The following C16orf96 variants were observed in gnomAD, a reference collection of about 807,000 sequenced individuals.
C16orf96 encodes the protein chromosome 16 open reading frame 96.
Under a neutral mutation model 103.6 loss-of-function variants are expected in C16orf96, and 108 were observed. The observed-to-expected ratio is 1.04, with a 90% CI of 0.89 to 1.22. C16orf96 has a LOEUF of 1.22. Ranked by LOEUF, C16orf96 falls within the 50% of genes most tolerant of loss-of-function variation. The pLI is 0.00. For missense variants in C16orf96, 1,586 were observed against 1,464.2 expected (o/e 1.08, Z -1.36); for synonymous variants, 566 against 593.5 (o/e 0.95, Z 0.67).
Position 4,599,458 on chromosome 16 carries a change from G to A in C16orf96, c.3208+94G>A. The A allele has an allele frequency of 1.2e-5, 13 of 1,121,206 alleles. No homozygotes were observed. In the South Asian group the frequency reaches 1.8e-4, roughly 15 times the overall value. The allele number at this position is 1,121,206 out of a possible 1,614,324, so 69.5% of individuals were successfully genotyped here. On this transcript the variant is annotated intron_variant, in intron 15 of 15. Transcript: ENST00000444310. The stretch of plus-strand genomic sequence containing the variant: ...ATCCCATCCCCCACACCCCGCCTGG[G>A]CTCTCCTGTCCACCTCCTCCACCTC...
chr16:4,578,889 A>C (rs969544579), intron 5 of C16orf96, 51 bp from the exon 6 acceptor site: 1 of 1,433,912 alleles, frequency 7.0e-7, no homozygotes, highest in African/African-American at 1.4e-5. Context: ...CCCAACAGAA[A>C]CATCTTCCTC....
chr16:4,545,282 C>T, the C16orf96 span, among the ~76,000 whole-genome samples: 29 of 152,308 alleles, frequency 1.9e-4, no homozygotes, highest in East Asian at 9.7e-4. Context: ...TGATAGCTCA[C>T]TGCAGCCTCA....
intron 12 of C16orf96, 71 bp from the exon 13 acceptor site, chr16:4,594,280 C>T: frequency 1.3e-6 from 2 of 1,498,230 alleles, no homozygotes; most frequent in Non-Finnish European, 1.8e-6. Flanking sequence ...GCTGGCCAGG[C>T]CCTTGGGGCC....
At position 4,575,290 on chromosome 16, in the gene C16orf96, C is replaced by G. The variant is rs917753507; in HGVS notation, c.810C>G (p.Pro270=). 1 of 1,550,866 alleles carries G rather than the reference C, an allele frequency of 6.4e-7. No individual in the cohort carries two copies. Among genetic ancestry groups the G allele is most frequent in the African/African-American group, 1.4e-5 (1 of 73,042 alleles). The change falls in exon 5 of 16, where the codon CCC becomes CCG. Residue 270 remains proline (P), a synonymous_variant. Coordinates refer to ENST00000444310, the MANE Select transcript of C16orf96 (RefSeq NM_001145011.2). ...EATRAIQVSE[P]VQNPQLLQTV... ...CTCGTGCCATCCAGGTCTCCGAGCC[C>G]GTCCAAAACCCCCAGCTACTGCAGA... is the stretch of plus-strand genomic sequence containing the variant.
chr16:4,597,556 C>T (rs975202047), intron 14 of C16orf96, among the ~76,000 whole-genome samples: 1 of 151,720 alleles, frequency 6.6e-6, no homozygotes, highest in Non-Finnish European at 1.5e-5. Flanking sequence ...TCAACTGCTT[C>T]ATCTTTTTTT....
At chr16:4,579,162 C>G in intron 6 of C16orf96, 137 bp downstream of exon 6, 2 of 765,262 alleles carry the variant, frequency 2.6e-6, no homozygotes, top group Middle Eastern at 5.6e-4. Flanking sequence ...GAGCTGGCTG[C>G]GAAGGCAGCT....
Position 4,588,051 on chromosome 16 carries a change from G to A in C16orf96, c.2428-116G>A, listed in dbSNP as rs549285995. On this transcript the variant is annotated intron_variant, in intron 8 of 15. Coordinates refer to ENST00000444310, the MANE Select transcript of C16orf96 (RefSeq NM_001145011.2). ...GACCCCAGGGTTGCATTTAAGCCAA[G>A]GCTAAAAGTCCAGAGTCCCAAACTA... The A allele has an allele frequency of 4.2e-4, 457 of 1,078,082 alleles. 2 individuals carry two copies. The highest frequency in any genetic ancestry group is 3.9e-5 in the Non-Finnish European group (30 of 776,164). The allele number at this position is 1,078,082 out of a possible 1,614,324, so 66.8% of individuals were successfully genotyped here.
intron 14 of C16orf96, among the ~76,000 whole-genome samples, chr16:4,595,487 C>A (rs987925949): frequency 6.6e-6 from 1 of 152,184 alleles, no homozygotes; most frequent in Non-Finnish European, 1.5e-5. Context: ...CCTGCTGGGA[C>A]CCCAAGACTC....
intron 1 of C16orf96, chr16:4,561,753 G>C (rs966568434): frequency 4.6e-5 from 7 of 152,224 alleles, no homozygotes; most frequent in African/African-American, 1.7e-4. Flanking sequence ...GCTGGTTCTA[G>C]AATGATGCAA....
upstream of C16orf96, among the ~76,000 whole-genome samples, chr16:4,552,115 T>C (rs114372093): frequency 1.0e-2 from 1,519 of 152,276 alleles, 19 homozygotes; most frequent in African/African-American, 0.035. Context: ...TGGCTGCAGT[T>C]TGGGGACTTT....
In C16orf96 at chr16:4,593,293, G is replaced by C; in HGVS notation, c.2844G>C (p.Glu948Asp). ...GGCCAGCCAGCGCCAACAGCTGCGA[G>C]TACTTGCAGCGGCAACAGATGAGGT... ...RLRPASANSC[E>D]YLQRQQMREQ... The change falls in exon 12 of 16, where the codon GAG (glutamate) becomes GAC (aspartate). Residue 948 changes from glutamate to aspartate, a missense_variant. Coordinates refer to ENST00000444310, the MANE Select transcript of C16orf96 (RefSeq NM_001145011.2). The surrounding 1 kb of genome is among the most constrained non-coding windows in gnomAD (Gnocchi z 4.2). 6.4e-7 allele frequency: 1 copy of C among 1,550,958 alleles called. No individual in the cohort carries two copies. Among genetic ancestry groups the C allele is most frequent in the Non-Finnish European group, 8.7e-7 (1 of 1,146,868 alleles).
rs529054419 is a variant in C16orf96, at chr16:4,556,417, C to T, written c.-73C>T. On this transcript the variant is annotated 5_prime_UTR_variant, in exon 1 of 16. Transcript: ENST00000444310. ...TCTGAGGACCAGTCCATGTAGCTCT[C>T]GGAACCACTGAAAGCTACCCCTTGT... 17 of 1,432,786 alleles carry T rather than the reference C, an allele frequency of 1.2e-5. 1 individual carries two copies. The highest frequency in any genetic ancestry group is 1.0e-4 in the Admixed American group (4 of 39,316). The allele number at this position is 1,432,786 out of a possible 1,614,324, so 88.8% of individuals were successfully genotyped here. A position where few individuals can be genotyped will look rare whatever the true frequency, so the allele number is the denominator to read the frequency against.
chr16:4,541,722 C>T, the C16orf96 span, among the ~76,000 whole-genome samples: 1 of 152,158 alleles, frequency 6.6e-6, no homozygotes, highest in Admixed American at 6.5e-5. Flanking sequence ...TAGCATTCCT[C>T]AGTGCAAGAA....
chr16:4,591,700 A>G lies in C16orf96; in HGVS notation c.2627A>G (p.Glu876Gly). ...VHSDLDPLKKEMEEVWKIVRK... is the reference protein window; with the variant it reads ...VHSDLDPLKKGMEEVWKIVRK... ...AGTGATCTGGATCCCTTGAAGAAAG[A>G]AATGGAAGAGGTCTGGAAAATCGTC... is the stretch of plus-strand genomic sequence containing the variant. The change falls in exon 10 of 16, where the codon GAA (glutamate) becomes GGA (glycine). Residue 876 changes from glutamate (E) to glycine (G), a missense_variant. Transcript: ENST00000444310. 1 of 1,551,652 alleles carries G rather than the reference A, an allele frequency of 6.4e-7. No homozygotes were observed. The highest frequency in any genetic ancestry group is 8.7e-7 in the Non-Finnish European group (1 of 1,146,968).
rs1203013868 is a variant in C16orf96, at chr16:4,574,999, A to G, written c.634A>G (p.Ile212Val). The change falls in exon 4 of 16, where the codon ATC becomes GTC. Residue 212 changes from isoleucine to valine, a missense_variant. Coordinates refer to ENST00000444310, the MANE Select transcript of C16orf96 (RefSeq NM_001145011.2). ...TTCTCTCCAGAATAAGTTTAAAACC[A>G]TCCCCAAAACCGAGGACATGGTGCT... ...VASLQNKFKT[I>V]PKTEDMVLWS... The G allele has an allele frequency of 4.5e-6, 7 of 1,551,478 alleles. No individual in the cohort carries two copies. The East Asian group carries it at 1.7e-4, about 38-fold the overall frequency.
intron 1 of C16orf96, 84 bp from the exon 2 acceptor site, chr16:4,571,477 G>T: frequency 8.4e-7 from 1 of 1,187,644 alleles, no homozygotes; most frequent in African/African-American, 1.5e-5. Context: ...CTTGAACAAC[G>T]GCTATCATCA....
the C16orf96 span, among the ~76,000 whole-genome samples, chr16:4,539,820 T>G: frequency 6.6e-6 from 1 of 152,186 alleles, no homozygotes; most frequent in South Asian, 2.1e-4. Flanking sequence ...TAGGTGTTTT[T>G]CTGACCCTGC....
Position 4,585,312 on chromosome 16 carries a change from A to AAAAAAAAAAAAAAG in C16orf96, c.2353-1727_2353-1726insAAAAAAAAAAAAAG, listed in dbSNP as rs60726283. Among the ~76,000 whole-genome samples, 2 of 109,944 alleles carry AAAAAAAAAAAAAAG rather than the reference A, an allele frequency of 1.8e-5. 1 individual carries two copies. Among genetic ancestry groups the AAAAAAAAAAAAAAG allele is most frequent in the Non-Finnish European group, 3.6e-5 (2 of 55,898 alleles). 72.1% of individuals were successfully genotyped at this position (109,944 alleles called of 152,430 possible). A position where few individuals can be genotyped will look rare whatever the true frequency, so the allele number is the denominator to read the frequency against. On this transcript the variant is annotated intron_variant, in intron 7 of 15. Coordinates refer to ENST00000444310, the MANE Select transcript of C16orf96 (RefSeq NM_001145011.2). ...TCTACAAAAAAAAAAAAAAAAAAAA[A>AAAAAAAAAAAAAAG]TCCAGGTAGGTGGTGTCACCTGCAG...
At chr16:4,579,513 C>A (rs895882810) in intron 6 of C16orf96, among the ~76,000 whole-genome samples, 1 of 142,646 alleles carries the variant, frequency 7.0e-6, no homozygotes, top group Non-Finnish European at 1.5e-5. Flanking sequence ...AAGATCACGC[C>A]GCTGCACTCT....
Sources: allele counts gnomAD v4.1 joint callset (sites outside exome capture counted in the v4.1 genomes callset), GRCh38; gene constraint gnomAD v4.1.1; non-coding constraint Gnocchi (gnomAD v3.1); transcripts MANE v1.5; gene names NCBI Gene and HGNC (gene_info 2026-07-23, HGNC 2026-07-21).